NOL4L: variants seen among roughly 807,000 people sequenced by gnomAD.
The protein encoded by NOL4L is nucleolar protein 4-like.
NOL4L carries 7 observed loss-of-function variants against 64.5 expected under a neutral mutation model. That is an observed-to-expected ratio of 0.11 (90% CI 0.06 to 0.20). The LOEUF is 0.20. Ranked by LOEUF, NOL4L falls within the 10% of genes least tolerant of loss-of-function variation. The pLI is 1.00. For missense variants in NOL4L, 680 were observed against 967.1 expected (o/e 0.70, Z 3.94); for synonymous variants, 413 against 401.0 (o/e 1.03, Z -0.36).
chr20:32,560,807 G>A (rs1411146428), intron 1 of NOL4L, among the ~76,000 whole-genome samples: 1 of 152,264 alleles, frequency 6.6e-6, no homozygotes, highest in Non-Finnish European at 1.5e-5. Flanking sequence ...TGACGGATGG[G>A]ACTGATGATT....
intron 1 of NOL4L, among the ~76,000 whole-genome samples, chr20:32,549,888 GTTACCATATGAC>G (rs1176748277): frequency 2.6e-5 from 4 of 152,174 alleles, no homozygotes; most frequent in Non-Finnish European, 5.9e-5. Context: ...TAAACATAGA[GTTACCATATGAC>G]TTACCACTCC....
intron 5 of NOL4L, among the ~76,000 whole-genome samples, chr20:32,466,027 G>A (rs1325533038): frequency 1.3e-5 from 2 of 150,516 alleles, no homozygotes; most frequent in East Asian, 1.9e-4. Flanking sequence ...TAGCCCAGTG[G>A]TGTGATCTTG....
intron 2 of NOL4L, among the ~76,000 whole-genome samples, chr20:32,526,935 G>A (rs990013344): frequency 6.6e-6 from 1 of 152,188 alleles, no homozygotes; most frequent in Admixed American, 6.5e-5. Flanking sequence ...AACACAGGCA[G>A]GCCCCTCTGC....
rs1243201983 is a variant in NOL4L, at chr20:32,445,534, A to G, written c.*2062T>C. The G allele has an allele frequency of 6.6e-6, 1 of 152,234 alleles. No homozygotes were observed. Among genetic ancestry groups the G allele is most frequent in the African/African-American group, 2.4e-5 (1 of 41,454 alleles). The allele number at this position is 152,234 out of a possible 1,614,324, so 9.4% of individuals were successfully genotyped here. On this transcript the variant is annotated 3_prime_UTR_variant, in exon 11 of 11. Coordinates refer to ENST00000621426, the MANE Select transcript of NOL4L (RefSeq NM_001256798.2). The stretch of plus-strand genomic sequence containing the variant: ...AAGATCTTACTGATTACTTTGTAGT[A>G]TTGTTCACACACAAAAATAAATATT...
intron 2 of NOL4L, among the ~76,000 whole-genome samples, chr20:32,524,205 ACT>A (rs2145577351): frequency 6.6e-6 from 1 of 152,142 alleles, no homozygotes; most frequent in South Asian, 2.1e-4. Context: ...AGTTCAGGAA[ACT>A]CTGTAGAACC....
At chr20:32,498,766 T>TAACAAAAA (rs1555798802) in intron 4 of NOL4L, among the ~76,000 whole-genome samples, 1 of 99,026 alleles carries the variant, frequency 1.0e-5, no homozygotes, top group Non-Finnish European at 2.1e-5. Flanking sequence ...CCTGTCTCAA[T>TAACAAAAA]AAAAAAAAAA....
At chr20:32,583,718 C>A (rs1187227687) in intron 1 of NOL4L, among the ~76,000 whole-genome samples, 5 of 148,614 alleles carry the variant, frequency 3.4e-5, no homozygotes, top group Admixed American at 6.6e-5. Flanking sequence ...CCGCGCCGCA[C>A]GCCCTCTCCA....
chr20:32,484,917 T>C (rs2015990394), intron 4 of NOL4L, among the ~76,000 whole-genome samples: 1 of 151,370 alleles, frequency 6.6e-6, no homozygotes, highest in Non-Finnish European at 1.5e-5. Flanking sequence ...TAGACCCCGA[T>C]GGAGAAAATG....
At chr20:32,475,371 C>A (rs962339117) in intron 4 of NOL4L, 3 of 984,342 alleles carry the variant, frequency 3.0e-6, no homozygotes, top group Non-Finnish European at 3.6e-6. Flanking sequence ...AGGAAGGGGG[C>A]GGGGCAGGCC....
At chr20:32,566,491 G>T (rs1198467347) in intron 1 of NOL4L, among the ~76,000 whole-genome samples, 1 of 152,162 alleles carries the variant, frequency 6.6e-6, no homozygotes, top group Non-Finnish European at 1.5e-5. Context: ...TCAAGGTCCT[G>T]CAGAGTAAAA....
chr20:32,504,074 AC>A (rs1238446102), intron 4 of NOL4L, among the ~76,000 whole-genome samples: 1 of 152,166 alleles, frequency 6.6e-6, no homozygotes, highest in African/African-American at 2.4e-5. Flanking sequence ...TTTATTATAT[AC>A]ATTTATCATA....
intron 4 of NOL4L, among the ~76,000 whole-genome samples, chr20:32,482,997 G>A (rs1306272984): frequency 6.6e-6 from 1 of 151,220 alleles, no homozygotes; most frequent in Non-Finnish European, 1.5e-5. Flanking sequence ...CCGCCCCCCA[G>A]GACCCGCGGC....
At chr20:32,555,986 T>G (rs1978622453) in intron 1 of NOL4L, among the ~76,000 whole-genome samples, 1 of 152,118 alleles carries the variant, frequency 6.6e-6, no homozygotes, top group Non-Finnish European at 1.5e-5. Flanking sequence ...ACCACAGTAT[T>G]CTGCGTATTT....
intron 4 of NOL4L, among the ~76,000 whole-genome samples, chr20:32,483,758 G>C (rs139749775): frequency 7.5e-6 from 1 of 134,172 alleles, no homozygotes; most frequent in Non-Finnish European, 1.6e-5. Context: ...GAGTGGGCAC[G>C]GGGGGAAGGG....
intron 5 of NOL4L, chr20:32,465,228 T>C: frequency 2.3e-6 from 1 of 435,818 alleles, no homozygotes. Flanking sequence ...ACAACCACCC[T>C]CTGCAGCAGA....
intron 1 of NOL4L, among the ~76,000 whole-genome samples, chr20:32,583,794 G>T (rs1980677460): frequency 6.7e-6 from 1 of 149,880 alleles, no homozygotes; most frequent in Admixed American, 6.6e-5. Context: ...GGCGGCTGCG[G>T]TTCCCCGCCC....
chr20:32,579,640 C>T (rs1980343637), intron 1 of NOL4L, among the ~76,000 whole-genome samples: 1 of 152,170 alleles, frequency 6.6e-6, no homozygotes, highest in African/African-American at 2.4e-5. Context: ...TGCACGGTGT[C>T]CCCACCCCTC....
intron 4 of NOL4L, among the ~76,000 whole-genome samples, chr20:32,488,687 T>C (rs1476479102): frequency 6.6e-6 from 1 of 152,254 alleles, no homozygotes; most frequent in Non-Finnish European, 1.5e-5. Flanking sequence ...TAGATGTTTC[T>C]GTGCACTGTG....
At chr20:32,488,772 TTCCTTCCTTCCTTC>T (rs2016226637) in intron 4 of NOL4L, among the ~76,000 whole-genome samples, 1 of 54,066 alleles carries the variant, frequency 1.8e-5, no homozygotes, top group Admixed American at 2.1e-4. Flanking sequence ...CCTTCCTTCC[TTCCTTCCTTCCTTC>T]CTTCCTTTCT....
Sources: allele counts gnomAD v4.1 joint callset (sites outside exome capture counted in the v4.1 genomes callset), GRCh38; gene constraint gnomAD v4.1.1; transcripts MANE v1.5; gene names NCBI Gene and HGNC (gene_info 2026-07-23, HGNC 2026-07-21).